Variants in EXD3 observed in about 807,000 individuals in gnomAD.
The protein encoded by EXD3 is exonuclease mut-7 homolog.
Under a neutral mutation model 98.0 loss-of-function variants are expected in EXD3, and 92 were observed. The observed-to-expected ratio is 0.94, with a 90% CI of 0.79 to 1.12. EXD3 has a LOEUF of 1.12. EXD3 is among the 50% of genes most tolerant of loss of function. EXD3 has a pLI of 0.00. For synonymous variants in EXD3, 569 were observed against 526.0 expected (o/e 1.08, Z -1.12); for missense variants, 1,222 against 1,191.6 (o/e 1.03, Z -0.38).
intron 1 of EXD3, among the ~76,000 whole-genome samples, chr9:137,406,470 C>A (rs774539334): frequency 4.6e-5 from 7 of 152,078 alleles, no homozygotes; most frequent in Non-Finnish European, 8.8e-5. Flanking sequence ...GACAGGAGGC[C>A]GCTCCACCTC....
chr9:137,352,355 C>T (rs1834350972), intron 11 of EXD3, among the ~76,000 whole-genome samples, 154 bp from the exon 12 acceptor site: 1 of 152,164 alleles, frequency 6.6e-6, no homozygotes, highest in Non-Finnish European at 1.5e-5. Flanking sequence ...CCAGCGTGAC[C>T]CTTGCTCCTG....
At position 137,349,590 on chromosome 9, in the gene EXD3, G is replaced by A. The variant is rs961958561; in HGVS notation, c.1495-59C>T. 354 of 1,468,654 alleles carry A rather than the reference G, an allele frequency of 2.4e-4. No individual in the cohort carries two copies. The African/African-American group carries it at 2.7e-3, about 11-fold the overall frequency. 91.0% of individuals were successfully genotyped at this position (1,468,654 alleles called of 1,614,324 possible). ...TGGCCCTGGCGGCAGCACAGTCACCGTGCCCACTCACACCAGCCCTGCGGG... is the reference window on the plus strand; with the variant it reads ...TGGCCCTGGCGGCAGCACAGTCACCATGCCCACTCACACCAGCCCTGCGGG... On this transcript the variant is annotated intron_variant, in intron 14 of 21. Transcript: ENST00000340951. This position sits in a 1 kb window ranked among gnomAD's most constrained non-coding sequence, Gnocchi z 7.4.
At position 137,373,054 on chromosome 9, in the gene EXD3, G is replaced by A. The variant is rs1396125715; in HGVS notation, c.313C>T (p.Gln105Ter). Residue 105 changes from glutamine (Q) to a stop codon, truncating the protein, a stop_gained, in exon 5 of 22, where the codon CAG (glutamine) becomes TAG (stop). Coordinates refer to ENST00000340951, the MANE Select transcript of EXD3 (RefSeq NM_017820.5). LOFTEE classifies it high-confidence loss of function. The part of the protein sequence containing the change: ...SLAQHSLRLK[Q>*]LQARAVKVLT... ...ACTTTGACCGCTCGGGCCTGCAGCT[G>A]CTTCAGCCTCAGGCTGTGCTGGAAG... 6.3e-7 allele frequency: 1 copy of A among 1,588,896 alleles called. No individual in the cohort carries two copies. Among genetic ancestry groups the A allele is most frequent in the South Asian group, 1.1e-5 (1 of 88,418 alleles).
At chr9:137,366,408 C>T (rs1835260297) in intron 7 of EXD3, 85 bp downstream of exon 7, 6 of 1,511,366 alleles carry the variant, frequency 4.0e-6, no homozygotes, top group Non-Finnish European at 5.4e-6. Flanking sequence ...CTCCCACGCG[C>T]CTGCTGCCCC....
Position 137,405,125 on chromosome 9 carries a change from T to C in EXD3, c.-47-9721A>G, listed in dbSNP as rs1427575505. ...AGGTGAGCCAGTGGCCATTCCCAAA[T>C]TCCCAGGGCCTCTGCCAGCGGGTGT... On this transcript the variant is annotated intron_variant, in intron 1 of 21. Transcript: ENST00000340951. This position sits in a 1 kb window ranked among gnomAD's most constrained non-coding sequence, Gnocchi z 4.1. Among the ~76,000 whole-genome samples, 1 of 152,160 alleles carries C rather than the reference T, an allele frequency of 6.6e-6. No individual in the cohort carries two copies. Among genetic ancestry groups the C allele is most frequent in the Non-Finnish European group, 1.5e-5 (1 of 68,016 alleles).
At chr9:137,392,936 G>C (rs1157660282) in intron 2 of EXD3, 1 of 560,736 alleles carries the variant, frequency 1.8e-6, no homozygotes, top group East Asian at 3.1e-5. Context: ...ATCTGTTCCA[G>C]GGAGGGCCAT....
At chr9:137,331,987 A>AACAC (rs373326740) in intron 17 of EXD3, among the ~76,000 whole-genome samples, 14 of 151,270 alleles carry the variant, frequency 9.3e-5, no homozygotes, top group Non-Finnish European at 3.0e-5. Flanking sequence ...GCGCAACGAC[A>AACAC]ACACACACAC....
chr9:137,368,089 C>T, intron 5 of EXD3, 100 bp from the exon 6 acceptor site: 4 of 995,356 alleles, frequency 4.0e-6, no homozygotes, highest in Admixed American at 4.3e-5. Context: ...CACCTGGTCA[C>T]TGAGGCCGGA....
At chr9:137,353,706 C>G in intron 10 of EXD3, 1 of 985,582 alleles carries the variant, frequency 1.0e-6, no homozygotes, top group Non-Finnish European at 1.2e-6. Context: ...GAGGGTCTCC[C>G]TCCCCGCAAG....
chr9:137,338,785 C>T (rs370376978), intron 17 of EXD3, among the ~76,000 whole-genome samples: 601 of 148,850 alleles, frequency 4.0e-3, no homozygotes, highest in African/African-American at 0.014. Flanking sequence ...CCCAGCTACT[C>T]GGGAGGCTGA....
chr9:137,367,371 G>A (rs1389685343), intron 6 of EXD3, among the ~76,000 whole-genome samples: 2 of 152,096 alleles, frequency 1.3e-5, no homozygotes, highest in African/African-American at 4.8e-5. Context: ...ACCAGGATGC[G>A]TCCCGTCCCC....
At chr9:137,374,884 T>C in intron 3 of EXD3, 1 of 984,602 alleles carries the variant, frequency 1.0e-6, no homozygotes, top group Non-Finnish European at 1.2e-6. Context: ...CTAACTCTAG[T>C]GAGTCCTGGC....
chr9:137,356,295 G>C lies in EXD3; in HGVS notation c.730C>G (p.Leu244Val), dbSNP rs1302410306. The C allele has an allele frequency of 6.9e-6, 11 of 1,604,280 alleles. No individual in the cohort carries two copies. Among genetic ancestry groups the C allele is most frequent in the Non-Finnish European group, 9.4e-6 (11 of 1,176,128 alleles). ...PKALSRQVLR[L>V]QERYGVAPAL... ...GGGGCTACGCCGTACCGCTCCTGCA[G>C]ACGCAAGACCTGCCTGCTCAGCGCC... The change falls in exon 8 of 22, where the codon CTG becomes GTG. Residue 244 changes from leucine (L) to valine (V), a missense_variant. Leu to Val is a conservative substitution (Grantham distance 32). Coordinates refer to ENST00000340951, the MANE Select transcript of EXD3 (RefSeq NM_017820.5).
intron 7 of EXD3, chr9:137,366,022 A>C (rs1272326017): frequency 3.2e-6 from 2 of 628,484 alleles, no homozygotes; most frequent in Non-Finnish European, 5.9e-6. Flanking sequence ...ATGGGCACAC[A>C]CATACATGCA....
chr9:137,342,361 G>C, intron 17 of EXD3, among the ~76,000 whole-genome samples: 1 of 147,946 alleles, frequency 6.8e-6, no homozygotes, highest in South Asian at 2.2e-4. Flanking sequence ...AGAGGAAACA[G>C]GGCTCAGGCA....
At chr9:137,401,631 G>A (rs1158643133) in intron 1 of EXD3, among the ~76,000 whole-genome samples, 2 of 152,208 alleles carry the variant, frequency 1.3e-5, no homozygotes, top group African/African-American at 4.8e-5. Flanking sequence ...CCACGTGGAA[G>A]CTGCCAAGGC....
intron 7 of EXD3, among the ~76,000 whole-genome samples, chr9:137,363,086 C>T (rs1835064341): frequency 6.6e-6 from 1 of 151,984 alleles, no homozygotes; most frequent in African/African-American, 2.4e-5. Flanking sequence ...GCTGGGATTA[C>T]AGGCATGAGT....
chr9:137,315,897 C>T lies in EXD3; in HGVS notation c.2185-6197G>A, dbSNP rs181337169. On this transcript the variant is annotated intron_variant, in intron 19 of 21. Transcript: ENST00000340951. ...GGTCCCAACACGGTGCCCTGGGCCT[C>T]GGGCTCCCTCCGGGGGCTCCGGGGC... Among the ~76,000 whole-genome samples the T allele has an allele frequency of 8.5e-3, 1,285 of 151,810 alleles. 22 individuals are homozygous for T. The highest frequency in any genetic ancestry group is 0.03 in the African/African-American group (1,223 of 41,412).
At chr9:137,413,601 A>C (rs1838103812) in intron 1 of EXD3, among the ~76,000 whole-genome samples, 1 of 147,876 alleles carries the variant, frequency 6.8e-6, no homozygotes, top group Non-Finnish European at 1.5e-5. Flanking sequence ...CTCCTGGCTC[A>C]AGTGATTCTT....
Sources: gnomAD v4.1 joint callset for allele counts (sites outside exome capture counted in the v4.1 genomes callset) on GRCh38, gnomAD v4.1.1 for gene constraint, Gnocchi (gnomAD v3.1) non-coding constraint, MANE v1.5 for transcripts, NCBI Gene and HGNC (gene_info 2026-07-23, HGNC 2026-07-21) for gene names.